Variants in TAF1B observed in about 807,000 individuals in gnomAD.
The protein encoded by TAF1B is TATA-box binding protein associated factor, RNA polymerase I subunit B.
TAF1B carries 61 observed loss-of-function variants against 83.9 expected under a neutral mutation model. That is an observed-to-expected ratio of 0.73 (90% confidence interval 0.59 to 0.90). The LOEUF is 0.90. Ranked by LOEUF, TAF1B falls within the 40% of genes least tolerant of loss-of-function variation. The pLI, the probability that TAF1B is intolerant of heterozygous loss-of-function variation, is 0.00. For missense variants in TAF1B, 625 were observed against 677.0 expected (o/e 0.92, Z 0.85); for synonymous variants, 221 against 224.6 (o/e 0.98, Z 0.14).
Position 9,934,031 on chromosome 2 carries a change from TAAC to T in TAF1B, c.*49_*51del. The T allele has an allele frequency of 5.0e-6, 7 of 1,394,258 alleles. No individual in the cohort carries two copies. Among genetic ancestry groups the T allele is most frequent in the Middle Eastern group, 2.5e-4 (1 of 4,010 alleles). The allele number at this position is 1,394,258 out of a possible 1,614,324, so 86.4% of individuals were successfully genotyped here. On this transcript the variant is annotated 3_prime_UTR_variant, in exon 15 of 15. Transcript: ENST00000263663. ...TGGAAAAATATTTTAATAGTGATAATAACATCAGATTTTAATATAACATTCCAG... is the reference window on the plus strand; with the variant it reads ...TGGAAAAATATTTTAATAGTGATAATATCAGATTTTAATATAACATTCCAG...
rs765423153 is a variant in TAF1B at position 9,868,385 on chromosome 2, T to C, written c.509T>C (p.Ile170Thr). Reference protein sequence around the residue: ...LESGAESQSDIHTRKPFPVSK... With the variant: ...LESGAESQSDTHTRKPFPVSK... The stretch of plus-strand genomic sequence containing the variant: ...AGTGGAGCGGAGTCTCAGTCTGACA[T>C]CCACACTCGAAAACCTTTCCCCGTC... The change falls in exon 6 of 15, where the codon ATC (isoleucine) becomes ACC (threonine). Residue 170 changes from isoleucine to threonine, a missense_variant. Coordinates refer to ENST00000263663, the MANE Select transcript of TAF1B (RefSeq NM_005680.3). 6.2e-6 allele frequency: 10 copies of C among 1,614,010 alleles called. No homozygotes were observed. Among genetic ancestry groups the C allele is most frequent in the Non-Finnish European group, 8.5e-6 (10 of 1,179,942 alleles).
At chr2:9,867,481 GTTTGTTTT>G (rs1168175675) in intron 5 of TAF1B, among the ~76,000 whole-genome samples, 3 of 152,134 alleles carry the variant, frequency 2.0e-5, no homozygotes, top group African/African-American at 7.2e-5. Flanking sequence ...TGAGGTTTTT[GTTTGTTTT>G]TTTGTTTTTT....
intron 5 of TAF1B, among the ~76,000 whole-genome samples, chr2:9,867,328 G>A (rs1664016904): frequency 6.6e-6 from 1 of 152,230 alleles, no homozygotes; most frequent in East Asian, 1.9e-4. Flanking sequence ...GTTGCTGGCA[G>A]TGGTAACCTG....
At chr2:9,901,093 A>G (rs1665165810) in intron 8 of TAF1B, among the ~76,000 whole-genome samples, 1 of 152,294 alleles carries the variant, frequency 6.6e-6, no homozygotes, top group East Asian at 1.9e-4. Context: ...GCTAACATAT[A>G]TTCATCATAG....
intron 8 of TAF1B, among the ~76,000 whole-genome samples, chr2:9,902,844 T>C (rs896762239): frequency 1.3e-5 from 2 of 152,206 alleles, no homozygotes; most frequent in African/African-American, 2.4e-5. Context: ...ATTTTTGTAT[T>C]AGGCTCAATT....
rs1418667320 is a variant in TAF1B at position 9,919,551 on chromosome 2, A to G, written c.1343-47A>G. On this transcript the variant is annotated intron_variant, in intron 13 of 14. Coordinates refer to ENST00000263663, the MANE Select transcript of TAF1B (RefSeq NM_005680.3). ...AAGTAAATTCCAGGCTTTATTTGTG[A>G]TTTAACATTACTTGTTATTTTGTTT... 4 of 1,525,570 alleles carry G rather than the reference A, an allele frequency of 2.6e-6. No homozygotes were observed. In the South Asian group the frequency reaches 3.4e-5, roughly 13 times the overall value. The allele number at this position is 1,525,570 out of a possible 1,614,324, so 94.5% of individuals were successfully genotyped here.
chr2:9,908,028 CTTTTTTTTTTTTTTTTTTT>C (rs57261740), intron 9 of TAF1B, among the ~76,000 whole-genome samples: 33 of 71,754 alleles, frequency 4.6e-4, no homozygotes, highest in African/African-American at 8.7e-4. Flanking sequence ...GATCTTAATT[CTTTTTTTTTTTTTTTTTTT>C]TTTTTTTTTT....
rs142912169 is a variant in TAF1B at position 9,906,766 on chromosome 2, A to G, written c.955+1760A>G. On this transcript the variant is annotated intron_variant, in intron 9 of 14. Transcript: ENST00000263663. Reference sequence around the variant, plus strand: ...AATATACCAAAATGTTAAAGTGGCTATTTCTACCTTAGGGTAACACATGTT... The same window carrying G: ...AATATACCAAAATGTTAAAGTGGCTGTTTCTACCTTAGGGTAACACATGTT... 1.2e-3 allele frequency among the ~76,000 whole-genome samples: 185 copies of G among 152,320 alleles called. 1 individual carries two copies. The highest frequency in any genetic ancestry group is 3.5e-3 in the Admixed American group (54 of 15,306).
intron 14 of TAF1B, among the ~76,000 whole-genome samples, chr2:9,928,586 G>T (rs909430158): frequency 2.6e-5 from 4 of 152,188 alleles, no homozygotes; most frequent in African/African-American, 9.7e-5. Flanking sequence ...TCCCTTGTAA[G>T]TTGGATTCCT....
intron 8 of TAF1B, among the ~76,000 whole-genome samples, chr2:9,899,460 A>C (rs419453): frequency 1.3e-5 from 2 of 152,204 alleles, no homozygotes; most frequent in East Asian, 1.9e-4. Flanking sequence ...ATACATTTAC[A>C]TACATACATA....
intron 14 of TAF1B, among the ~76,000 whole-genome samples, chr2:9,926,730 T>C (rs954916325): frequency 2.8e-4 from 42 of 148,974 alleles, no homozygotes; most frequent in Admixed American, 1.5e-3. Flanking sequence ...TCCCAGCTAC[T>C]TGGGGGGCTG....
intron 5 of TAF1B, among the ~76,000 whole-genome samples, chr2:9,860,304 G>A (rs1014877970): frequency 1.4e-4 from 22 of 152,212 alleles, no homozygotes; most frequent in South Asian, 4.2e-4. Flanking sequence ...GGTCTGAGCC[G>A]GAGACATAAA....
At chr2:9,932,848 G>C (rs927115869) in intron 14 of TAF1B, among the ~76,000 whole-genome samples, 1 of 152,072 alleles carries the variant, frequency 6.6e-6, no homozygotes, top group Non-Finnish European at 1.5e-5. Flanking sequence ...CTTCCTGACC[G>C]CTTTGTTTAC....
In TAF1B at chr2:9,872,499, T is replaced by A. The variant is rs1664198791; in HGVS notation, c.554-3366T>A. On this transcript the variant is annotated intron_variant, in intron 6 of 14. Transcript: ENST00000263663. ...AACTGCTTTTTGGCATATTCCCCACTGCTGACTTTGAATCTAGCTTTCCCA... is the reference window on the plus strand; with the variant it reads ...AACTGCTTTTTGGCATATTCCCCACAGCTGACTTTGAATCTAGCTTTCCCA... Among the ~76,000 whole-genome samples, 4 of 152,194 alleles carry A rather than the reference T, an allele frequency of 2.6e-5. No individual in the cohort carries two copies. In the South Asian group the frequency reaches 8.3e-4, roughly 32 times the overall value.
In TAF1B at chr2:9,882,690, C is replaced by G; in HGVS notation, c.708-16C>G. 2 of 1,576,468 alleles carry G rather than the reference C, an allele frequency of 1.3e-6. No individual in the cohort carries two copies. Among genetic ancestry groups the G allele is most frequent in the Non-Finnish European group, 1.7e-6 (2 of 1,159,552 alleles). ...TATATAACTCTCATTAAACCTTTTTCTTTTTAAAAATACAGGTTTGTTGAA... is the reference window on the plus strand; with the variant it reads ...TATATAACTCTCATTAAACCTTTTTGTTTTTAAAAATACAGGTTTGTTGAA... On this transcript the variant is annotated splice_polypyrimidine_tract_variant and intron_variant, in intron 7 of 14. Transcript: ENST00000263663.
rs547348883 is a variant in TAF1B at position 9,913,253 on chromosome 2, T to C, written c.1271+4T>C. On this transcript the variant is annotated splice_donor_region_variant and intron_variant, in intron 12 of 14. Transcript: ENST00000263663. ...AATGGGAAGAAGCAAGGGCCAAGTA[T>C]GTTCTCCTTCCTGGTTTAGATGCAC... is the stretch of plus-strand genomic sequence containing the variant. 225 of 1,610,854 alleles carry C rather than the reference T, an allele frequency of 1.4e-4. 1 individual carries two copies. In the South Asian group the frequency reaches 2.3e-3, roughly 17 times the overall value.
chr2:9,914,208 C>T lies in TAF1B; in HGVS notation c.1271+959C>T, dbSNP rs1665613283. Reference sequence around the variant, plus strand: ...AAAGGCACTGTGGAGATGATCCTTTCCATAGCAGGGAAGTGTGACAGGTTC... The same window carrying T: ...AAAGGCACTGTGGAGATGATCCTTTTCATAGCAGGGAAGTGTGACAGGTTC... On this transcript the variant is annotated intron_variant, in intron 12 of 14. Coordinates refer to ENST00000263663, the MANE Select transcript of TAF1B (RefSeq NM_005680.3). This position sits in a 1 kb window ranked among gnomAD's most constrained non-coding sequence, Gnocchi z 4.3. Among the ~76,000 whole-genome samples the T allele has an allele frequency of 6.6e-6, 1 of 152,134 alleles. No homozygotes were observed. Among genetic ancestry groups the T allele is most frequent in the African/African-American group, 2.4e-5 (1 of 41,412 alleles).
chr2:9,864,525 TA>T (rs1309698851), intron 5 of TAF1B, among the ~76,000 whole-genome samples: 10 of 152,194 alleles, frequency 6.6e-5, no homozygotes, highest in Admixed American at 2.0e-4. Context: ...GAGGAGCTGG[TA>T]CCATTCCTTC....
At chr2:9,865,505 G>A (rs1663941043) in intron 5 of TAF1B, among the ~76,000 whole-genome samples, 1 of 152,084 alleles carries the variant, frequency 6.6e-6, no homozygotes, top group African/African-American at 2.4e-5. Context: ...CGTGAAAATG[G>A]CCATACTGCC....
Sources: allele counts gnomAD v4.1 joint callset (sites outside exome capture counted in the v4.1 genomes callset), GRCh38; gene constraint gnomAD v4.1.1; non-coding constraint Gnocchi (gnomAD v3.1); transcripts MANE v1.5; gene names NCBI Gene and HGNC (gene_info 2026-07-23, HGNC 2026-07-21).